Variants in C5 observed in about 807,000 individuals in gnomAD.
C5 encodes complement C5.
C5 carries 140 observed loss-of-function variants against 218.8 expected under a neutral mutation model. That is an observed-to-expected ratio of 0.64 (90% CI 0.56 to 0.74). The LOEUF is 0.74. Ranked by LOEUF, C5 falls within the 30% of genes least tolerant of loss-of-function variation. C5 has a pLI of 0.00. For synonymous variants in C5, 614 were observed against 682.3 expected (o/e 0.90, Z 1.56); for missense variants, 1,700 against 1,969.6 (o/e 0.86, Z 2.59).
chr9:121,023,435 A>T lies in C5; in HGVS notation c.1085T>A (p.Phe362Tyr). 1 of 1,612,880 alleles carries T rather than the reference A, an allele frequency of 6.2e-7. No homozygotes were observed. Among genetic ancestry groups the T allele is most frequent in the South Asian group, 1.1e-5 (1 of 91,050 alleles). The change falls in exon 10 of 41, where the codon TTC becomes TAC. Residue 362 changes from phenylalanine to tyrosine, a missense_variant. By Grantham distance (22) the Phe-to-Tyr change is conservative (BLOSUM62 3). Coordinates refer to ENST00000223642, the MANE Select transcript of C5 (RefSeq NM_001735.3). ...GGGATATGGAATCCCAGGCTTCAGG[A>T]AAAGAGGAGTAGCAACCAAATTCAG... ...YKLNLVATPL[F>Y]LKPGIPYPIK...
At chr9:121,014,450 C>T (rs2047289373) in intron 16 of C5, among the ~76,000 whole-genome samples, 1 of 152,162 alleles carries the variant, frequency 6.6e-6, no homozygotes, top group Admixed American at 6.5e-5. Flanking sequence ...TGGCTATCAT[C>T]ACTATACAAA....
chr9:121,036,771 G>C (rs1230415304), intron 4 of C5, among the ~76,000 whole-genome samples: 1 of 152,004 alleles, frequency 6.6e-6, no homozygotes, highest in African/African-American at 2.4e-5. Context: ...CTGAGCTCAT[G>C]GTATTTGTCC....
At chr9:121,031,058 T>G (rs1325879998) in intron 6 of C5, among the ~76,000 whole-genome samples, 2 of 152,106 alleles carry the variant, frequency 1.3e-5, no homozygotes, top group East Asian at 3.9e-4. Context: ...AGGTTGAGTT[T>G]CATCATAACG....
At position 120,997,861 on chromosome 9, in the gene C5, G is replaced by A. The variant is rs990747678; in HGVS notation, c.2563-87C>T. On this transcript the variant is annotated intron_variant, in intron 20 of 40. Transcript: ENST00000223642. ...TATGTCGCCCAGGCTGGAGTGCAGC[G>A]GCATGATCTCAGCTCACTGCAACCT... The A allele has an allele frequency of 7.9e-5, 89 of 1,129,400 alleles. 1 individual carries two copies. The highest frequency in any genetic ancestry group is 2.8e-4 in the African/African-American group (18 of 64,636). 70.0% of individuals were successfully genotyped at this position (1,129,400 alleles called of 1,614,324 possible).
At chr9:121,072,618 C>T in the C5 span, among the ~76,000 whole-genome samples, 1 of 151,836 alleles carries the variant, frequency 6.6e-6, no homozygotes, top group East Asian at 1.9e-4. Flanking sequence ...ACCAGCCTGA[C>T]CAACATGGTG....
chr9:120,997,453 C>T lies in C5; in HGVS notation c.2790+94G>A, dbSNP rs566872653. 116 of 972,274 alleles carry T rather than the reference C, an allele frequency of 1.2e-4. 1 individual carries two copies. In the East Asian group the frequency reaches 1.3e-3, roughly 11 times the overall value. 60.2% of individuals were successfully genotyped at this position (972,274 alleles called of 1,614,324 possible). A position where few individuals can be genotyped will look rare whatever the true frequency, so the allele number is the denominator to read the frequency against. ...CCAGTTTCCTTAATGCTTAATGTTT[C>T]GTTAAATTTACACTATTGTTTCTCT... On this transcript the variant is annotated intron_variant, in intron 21 of 40. Coordinates refer to ENST00000223642, the MANE Select transcript of C5 (RefSeq NM_001735.3).
chr9:121,037,441 G>GTAGCTA (rs10638960), intron 4 of C5, among the ~76,000 whole-genome samples: 1 of 24,204 alleles, frequency 4.1e-5, no homozygotes, highest in Non-Finnish European at 1.0e-4. Flanking sequence ...AGCCTCCCGA[G>GTAGCTA]TAGCTGGGAC....
At chr9:120,956,264 AG>A (rs2046784033) in intron 39 of C5, among the ~76,000 whole-genome samples, 1 of 152,196 alleles carries the variant, frequency 6.6e-6, no homozygotes, top group Non-Finnish European at 1.5e-5. Flanking sequence ...ACTGCGCTCC[AG>A]CCTGGGTGAC....
intron 1 of C5, among the ~76,000 whole-genome samples, chr9:121,047,478 C>A (rs1340088718): frequency 6.6e-6 from 1 of 151,984 alleles, no homozygotes; most frequent in Non-Finnish European, 1.5e-5. Context: ...ATTTGAATAG[C>A]GAGAACTACA....
At chr9:121,006,281 T>TAG (rs2047215104) in intron 19 of C5, among the ~76,000 whole-genome samples, 1 of 152,240 alleles carries the variant, frequency 6.6e-6, no homozygotes, top group African/African-American at 2.4e-5. Flanking sequence ...AACAAATAGT[T>TAG]AATTCTATTT....
intron 5 of C5, among the ~76,000 whole-genome samples, chr9:121,033,779 G>T (rs966585380): frequency 2.6e-5 from 4 of 152,326 alleles, no homozygotes; most frequent in South Asian, 2.1e-4. Context: ...ACCATAAAAA[G>T]ATGTTGTTCT....
chr9:120,987,235 A>AGG (rs2047039236), intron 25 of C5, among the ~76,000 whole-genome samples: 1 of 152,178 alleles, frequency 6.6e-6, no homozygotes, highest in Non-Finnish European at 1.5e-5. Flanking sequence ...GACATTGATT[A>AGG]GGGGGCCATT....
intron 9 of C5, 37 bp downstream of exon 9, chr9:121,025,417 T>TACACACACACACACAC (rs748041485): frequency 7.8e-5 from 15 of 191,164 alleles, no homozygotes; most frequent in African/African-American, 4.9e-4. Flanking sequence ...CAAAAGAAAG[T>TACACACACACACACAC]ATACACACAC....
intron 25 of C5, among the ~76,000 whole-genome samples, chr9:120,983,624 G>A (rs957899712): frequency 4.6e-5 from 7 of 152,006 alleles, no homozygotes; most frequent in South Asian, 2.1e-4. Flanking sequence ...AAGCCTGGGC[G>A]TCATAGTGAG....
At chr9:121,067,238 A>T in the C5 span, among the ~76,000 whole-genome samples, 1 of 152,014 alleles carries the variant, frequency 6.6e-6, no homozygotes, top group Non-Finnish European at 1.5e-5. Context: ...ATTGCACTTC[A>T]GCCTGGGTGA....
intron 5 of C5, among the ~76,000 whole-genome samples, chr9:121,033,073 T>C (rs2047491663): frequency 1.3e-5 from 2 of 149,334 alleles, no homozygotes; most frequent in South Asian, 2.2e-4. Context: ...CACACATATA[T>C]ATACACACAC....
At chr9:121,057,534 G>C in the C5 span, among the ~76,000 whole-genome samples, 1 of 152,110 alleles carries the variant, frequency 6.6e-6, no homozygotes, top group East Asian at 1.9e-4. Flanking sequence ...TTTTCTTTCT[G>C]ATAATAGTTA....
At chr9:121,033,851 TTC>T (rs570428345) in intron 5 of C5, among the ~76,000 whole-genome samples, 97 of 152,140 alleles carry the variant, frequency 6.4e-4, no homozygotes, top group Admixed American at 6.5e-4. Flanking sequence ...TATTATAAAT[TTC>T]TTTCTTTCTT....
intron 22 of C5, among the ~76,000 whole-genome samples, chr9:120,993,396 A>G (rs189504983): frequency 3.9e-5 from 6 of 151,912 alleles, no homozygotes; most frequent in Non-Finnish European, 8.8e-5. Flanking sequence ...AGAAAAATGA[A>G]TTAAGTATAC....
Sources: gnomAD v4.1 joint callset for allele counts (sites outside exome capture counted in the v4.1 genomes callset) on GRCh38, gnomAD v4.1.1 for gene constraint, MANE v1.5 for transcripts, NCBI Gene and HGNC (gene_info 2026-07-23, HGNC 2026-07-21) for gene names.